The following ZBTB25 variants were observed in gnomAD, a reference collection of about 807,000 sequenced individuals.
The protein encoded by ZBTB25 is zinc finger and BTB domain-containing protein 25.
A neutral mutation model predicts 34.2 loss-of-function variants in ZBTB25; 20 were observed. That is an observed-to-expected ratio of 0.58 (90% CI 0.41 to 0.85). The LOEUF (loss-of-function observed/expected upper bound fraction) is 0.85, where lower values mean the gene tolerates loss of function less well. ZBTB25 is among the 40% of genes least tolerant of loss of function. The pLI, the probability that ZBTB25 is intolerant of heterozygous loss-of-function variation, is 0.00. For missense variants in ZBTB25, 437 were observed against 521.8 expected, an observed-to-expected ratio of 0.84 and a Z score of 1.58; for synonymous variants, 175 against 186.4, an observed-to-expected ratio of 0.94 and a Z score of 0.50.
chr14:64,503,613 A>T (rs1281224390), intron 1 of ZBTB25, 48 bp downstream of exon 1: 1 of 985,306 alleles, frequency 1.0e-6, no homozygotes, highest in Non-Finnish European at 1.2e-6. Flanking sequence ...TCGCGGCAGG[A>T]GGGACTGAGC....
At chr14:64,491,354 T>C (rs946212185) in intron 1 of ZBTB25, among the ~76,000 whole-genome samples, 7 of 152,104 alleles carry the variant, frequency 4.6e-5, no homozygotes, top group Non-Finnish European at 7.4e-5. Flanking sequence ...TACTCCCAAC[T>C]ACTTGAGGGG....
chr14:64,468,590 G>C, intron 2 of ZBTB25: 1 of 1,613,944 alleles, frequency 6.2e-7, no homozygotes, highest in Non-Finnish European at 8.5e-7. Context: ...TCCACAAGAA[G>C]CAGGAGCTTC....
upstream of ZBTB25, chr14:64,504,987 G>A: frequency 2.5e-6 from 1 of 392,688 alleles, no homozygotes; most frequent in South Asian, 1.3e-4. Flanking sequence ...CGCAACTTTG[G>A]CCCAGGCCGG....
chr14:64,469,996 G>T, intron 2 of ZBTB25: 1 of 217,402 alleles, frequency 4.6e-6, no homozygotes, highest in Non-Finnish European at 9.8e-6. Context: ...CTTATGGTAT[G>T]CCATAAGCTT....
intron 2 of ZBTB25, 45 bp from the exon 3 acceptor site, chr14:64,488,102 A>G: frequency 5.1e-6 from 8 of 1,582,796 alleles, no homozygotes; most frequent in Admixed American, 1.7e-5. Flanking sequence ...AACACAACCT[A>G]GCTGGCCTTT....
chr14:64,460,344 C>T (rs949280735), intron 2 of ZBTB25: 3 of 188,498 alleles, frequency 1.6e-5, no homozygotes, highest in Non-Finnish European at 2.2e-5. Flanking sequence ...CCATTTCTGT[C>T]ACAGCTTTAG....
chr14:64,449,241 G>T, exon 3 of ZBTB25: 1 of 636,678 alleles, frequency 1.6e-6, no homozygotes, highest in Non-Finnish European at 2.8e-6. Flanking sequence ...TACCAGGGTG[G>T]AAATTGAGGC....
At position 64,480,943 on chromosome 14, in the gene ZBTB25, T is replaced by G. The variant is rs2078783900; in HGVS notation, c.*5980A>C. On this transcript the variant is annotated 3_prime_UTR_variant, in exon 3 of 3. Transcript: ENST00000608382. ...GTGTGAGCCACCACACCCTGCCTTT[T>G]TTTTTTTGAGACGGAGTCTCACTCT... is the stretch of plus-strand genomic sequence containing the variant. 1 of 137,538 alleles carries G rather than the reference T, an allele frequency of 7.3e-6. No individual in the cohort carries two copies. The highest frequency in any genetic ancestry group is 2.8e-5 in the African/African-American group (1 of 36,240). 8.5% of individuals were successfully genotyped at this position (137,538 alleles called of 1,614,324 possible).
At chr14:64,498,078 CTT>C (rs1257399314) in intron 1 of ZBTB25, among the ~76,000 whole-genome samples, 2 of 152,138 alleles carry the variant, frequency 1.3e-5, no homozygotes, top group African/African-American at 4.8e-5. Flanking sequence ...TGATAAAAGA[CTT>C]TATATAGCGA....
At chr14:64,469,640 G>C in intron 2 of ZBTB25, 1 of 1,598,732 alleles carries the variant, frequency 6.3e-7, no homozygotes. Context: ...TAATGAAATG[G>C]CCTCTGATGA....
downstream of ZBTB25, chr14:64,473,850 TG>T (rs765451554): frequency 3.0e-5 from 5 of 166,908 alleles, no homozygotes; most frequent in Non-Finnish European, 7.3e-5. Flanking sequence ...TTGGGTAACA[TG>T]AACTCTCTTA....
At position 64,486,812 on chromosome 14, in the gene ZBTB25, T is replaced by C. The variant is rs981243616; in HGVS notation, c.*111A>G. 22 of 1,446,338 alleles carry C rather than the reference T, an allele frequency of 1.5e-5. No homozygotes were observed. The highest frequency in any genetic ancestry group is 1.9e-5 in the Non-Finnish European group (21 of 1,103,752). 89.6% of individuals were successfully genotyped at this position (1,446,338 alleles called of 1,614,324 possible). On this transcript the variant is annotated 3_prime_UTR_variant, in exon 3 of 3. Transcript: ENST00000608382. ...TACAACCTTAAAACCATGGATAAGC[T>C]GTGAAGAAAAAAAGTCAATGAAACT...
chr14:64,454,215 C>T (rs536543628), intron 2 of ZBTB25, among the ~76,000 whole-genome samples: 4 of 152,160 alleles, frequency 2.6e-5, no homozygotes, highest in African/African-American at 7.2e-5. Context: ...TAGGCTCAAG[C>T]GATCCTCCCA....
intron 2 of ZBTB25, among the ~76,000 whole-genome samples, chr14:64,452,624 A>T (rs923911751): frequency 6.6e-6 from 1 of 152,222 alleles, no homozygotes; most frequent in East Asian, 1.9e-4. Context: ...GACATGCCCA[A>T]TGCGTGTTGA....
rs1168359452 is a variant in ZBTB25, at chr14:64,451,867, CTG to C, written c.174-2231_174-2230del. Among the ~76,000 whole-genome samples, 7 of 152,306 alleles carry C rather than the reference CTG, an allele frequency of 4.6e-5. No individual in the cohort carries two copies. In the East Asian group the frequency reaches 5.8e-4, roughly 13 times the overall value. ...GTTATGAGATGCATATGAAAATAAT[CTG>C]TGTTTCATCTTTATAAAGTCCTTAT... On this transcript the variant is annotated intron_variant, in intron 2 of 2. Transcript: ENST00000555220.
At chr14:64,455,614 A>G (rs2078459243) in intron 2 of ZBTB25, among the ~76,000 whole-genome samples, 1 of 152,216 alleles carries the variant, frequency 6.6e-6, no homozygotes, top group Non-Finnish European at 1.5e-5. Flanking sequence ...CTGCCATGCA[A>G]TACAGGACTG....
rs1017661506 is a variant in ZBTB25 at position 64,486,071 on chromosome 14, G to T, written c.*852C>A. The T allele has an allele frequency of 4.2e-6, 4 of 944,884 alleles. No homozygotes were observed. Among genetic ancestry groups the T allele is most frequent in the Non-Finnish European group, 5.0e-6 (4 of 793,550 alleles). The allele number at this position is 944,884 out of a possible 1,614,324, so 58.5% of individuals were successfully genotyped here. On this transcript the variant is annotated 3_prime_UTR_variant, in exon 3 of 3. Transcript: ENST00000608382. ...TCCCAGCACTTTGGGAGGCCAAGGC[G>T]GGCAGATGACGAGGTCAGGAGATCG...
Position 64,479,007 on chromosome 14 carries a change from AT to A in ZBTB25, c.*7915del, listed in dbSNP as rs543160840. On this transcript the variant is annotated 3_prime_UTR_variant, in exon 3 of 3. Transcript: ENST00000608382. ...TGTCTTGCTGATTAATACATCTCTG[AT>A]TTTTAATAATCACATTTTTTCCTTT... 1.3e-5 allele frequency: 2 copies of A among 152,302 alleles called. No individual in the cohort carries two copies. The highest frequency in any genetic ancestry group is 3.9e-4 in the East Asian group (2 of 5,192). 9.4% of individuals were successfully genotyped at this position (152,302 alleles called of 1,614,324 possible). A position where few individuals can be genotyped will look rare whatever the true frequency, so the allele number is the denominator to read the frequency against.
At chr14:64,466,829 G>C (rs1476418651) in intron 2 of ZBTB25, among the ~76,000 whole-genome samples, 2 of 152,096 alleles carry the variant, frequency 1.3e-5, no homozygotes, top group Non-Finnish European at 2.9e-5. Context: ...AAAATTCATA[G>C]GATCTTTGTT....
Sources: gnomAD v4.1 joint callset for allele counts (sites outside exome capture counted in the v4.1 genomes callset) on GRCh38, gnomAD v4.1.1 for gene constraint, MANE v1.5 for transcripts, NCBI Gene and HGNC (gene_info 2026-07-23, HGNC 2026-07-21) for gene names.